Variants in HNRNPUL1 observed in about 807,000 individuals in gnomAD.
HNRNPUL1 encodes heterogeneous nuclear ribonucleoprotein U like 1.
Under a neutral mutation model 108.5 loss-of-function variants are expected in HNRNPUL1, and 14 were observed. The ratio of observed to expected loss-of-function variants is 0.13; its 90% CI spans 0.09 to 0.20. HNRNPUL1 has a LOEUF of 0.20. Among genes scored for constraint, HNRNPUL1 ranks in the 10% least tolerant of loss-of-function variants. The probability of loss-of-function intolerance (pLI) is 1.00; values close to 1 mark genes in which losing one functional copy is unlikely to be tolerated. For synonymous variants in HNRNPUL1, 422 were observed against 445.2 expected (o/e 0.95, Z 0.66); for missense variants, 804 against 1,168.3 (o/e 0.69, Z 4.55).
chr19:41,299,922 A>C (rs973647749), intron 10 of HNRNPUL1, among the ~76,000 whole-genome samples: 1 of 152,120 alleles, frequency 6.6e-6, no homozygotes, highest in Non-Finnish European at 1.5e-5. Context: ...AGTGTTGGCT[A>C]TGAGCCAGGG....
chr19:41,301,839 C>A, intron 11 of HNRNPUL1, 135 bp downstream of exon 11: 1 of 818,712 alleles, frequency 1.2e-6, no homozygotes, highest in Non-Finnish European at 1.8e-6. Flanking sequence ...TCTGCTTTGT[C>A]CCTTCCTTGT....
chr19:41,302,002 C>T (rs1482670965), intron 11 of HNRNPUL1, among the ~76,000 whole-genome samples: 4 of 152,140 alleles, frequency 2.6e-5, no homozygotes, highest in African/African-American at 7.2e-5. Context: ...GATGGGCTGA[C>T]TGTGGGCAGG....
At chr19:41,304,616 C>T (rs2037436737) in intron 13 of HNRNPUL1, among the ~76,000 whole-genome samples, 1 of 152,224 alleles carries the variant, frequency 6.6e-6, no homozygotes. Context: ...ACTGGAGTCA[C>T]CCCTTGCCCA....
intron 7 of HNRNPUL1, among the ~76,000 whole-genome samples, chr19:41,288,888 C>G (rs1314104363): frequency 1.3e-5 from 2 of 152,108 alleles, no homozygotes; most frequent in East Asian, 3.9e-4. Context: ...TTAGCCACTC[C>G]TACTTCCCCA....
At chr19:41,302,282 G>A (rs186754599) in intron 11 of HNRNPUL1, 13 of 312,214 alleles carry the variant, frequency 4.2e-5, no homozygotes, top group East Asian at 7.8e-5. Flanking sequence ...ATAGTGGTGC[G>A]ATCTTGGCTC....
intron 2 of HNRNPUL1, among the ~76,000 whole-genome samples, chr19:41,269,689 G>T (rs2035094999): frequency 6.6e-6 from 1 of 151,856 alleles, no homozygotes; most frequent in Admixed American, 6.6e-5. Context: ...TGTAGTCCCA[G>T]CTACTCAGAA....
Position 41,279,194 on chromosome 19 carries a change from A to G in HNRNPUL1, c.886+18A>G, listed in dbSNP as rs1007571682. ...CCAGCTAGGTAAGGAGGGGTCAGCTATGCAGTCCAGAGAATAGAGTGACTG... is the reference window on the plus strand; with the variant it reads ...CCAGCTAGGTAAGGAGGGGTCAGCTGTGCAGTCCAGAGAATAGAGTGACTG... On this transcript the variant is annotated intron_variant, in intron 6 of 14. Transcript: ENST00000392006. The G allele has an allele frequency of 1.9e-6, 3 of 1,549,042 alleles. No individual in the cohort carries two copies. The highest frequency in any genetic ancestry group is 1.4e-5 in the African/African-American group (1 of 73,654).
Position 41,276,211 on chromosome 19 carries a change from G to T in HNRNPUL1, c.699G>T (p.Pro233=), listed in dbSNP as rs753693640. 5.6e-6 allele frequency: 9 copies of T among 1,613,818 alleles called. No homozygotes were observed. Among genetic ancestry groups the T allele is most frequent in the Non-Finnish European group, 7.6e-6 (9 of 1,179,978 alleles). The stretch of plus-strand genomic sequence containing the variant: ...CCCGAGATCGGAGTAGTGGCTATCC[G>T]CTCACAATTGAGGGCTTTGCATACC... ...KVARDRSSGY[P]LTIEGFAYLW... The change falls in exon 5 of 15, where the codon CCG becomes CCT. Residue 233 remains proline, a synonymous_variant. Transcript: ENST00000392006.
At chr19:41,297,072 C>T (rs538548013) in intron 10 of HNRNPUL1, among the ~76,000 whole-genome samples, 4 of 152,210 alleles carry the variant, frequency 2.6e-5, no homozygotes, top group Admixed American at 2.0e-4. Flanking sequence ...GGGCTTTGAC[C>T]TACATTCTGT....
rs1265802300 is a variant in HNRNPUL1, at chr19:41,276,142, G to A, written c.647-17G>A. 2 of 1,613,692 alleles carry A rather than the reference G, an allele frequency of 1.2e-6. No homozygotes were observed. The highest frequency in any genetic ancestry group is 3.3e-5 in the Admixed American group (2 of 59,978). ...AAAATAAAAACATCAGCCAACTGTG[G>A]GCATTTTCCTTCACAGATAACTGCG... On this transcript the variant is annotated splice_polypyrimidine_tract_variant and intron_variant, in intron 4 of 14. Transcript: ENST00000392006.
chr19:41,291,033 T>C (rs762703036), intron 7 of HNRNPUL1, among the ~76,000 whole-genome samples: 22 of 151,964 alleles, frequency 1.4e-4, no homozygotes, highest in Non-Finnish European at 2.9e-4. Flanking sequence ...GCAACAAGAG[T>C]GAAATTCCGT....
chr19:41,279,243 C>G, intron 6 of HNRNPUL1, 67 bp downstream of exon 6: 1 of 1,097,894 alleles, frequency 9.1e-7, no homozygotes, highest in Non-Finnish European at 1.4e-6. Flanking sequence ...ATTTTCAAGG[C>G]TCCTAAGCTT....
chr19:41,272,009 GA>G, intron 2 of HNRNPUL1, 72 bp from the exon 3 acceptor site: 5 of 1,543,490 alleles, frequency 3.2e-6, no homozygotes, highest in South Asian at 1.2e-5. Flanking sequence ...TCTCTCAAGG[GA>G]AAAGGGACCA....
At position 41,307,575 on chromosome 19, in the gene HNRNPUL1, A is replaced by G. The variant is rs1280039333; in HGVS notation, c.*1010A>G. The G allele has an allele frequency of 2.0e-5, 3 of 152,592 alleles. No individual in the cohort carries two copies. Among genetic ancestry groups the G allele is most frequent in the African/African-American group, 4.8e-5 (2 of 41,426 alleles). The allele number at this position is 152,592 out of a possible 1,614,324, so 9.5% of individuals were successfully genotyped here. On this transcript the variant is annotated 3_prime_UTR_variant, in exon 15 of 15. Coordinates refer to ENST00000392006, the MANE Select transcript of HNRNPUL1 (RefSeq NM_007040.6). The stretch of plus-strand genomic sequence containing the variant: ...TTCCCCTTGACTCATATGTTTTAAC[A>G]TGATTTTAACAAACTGCACTTATTA...
chr19:41,305,990 G>A lies in HNRNPUL1; in HGVS notation c.2454+123G>A, dbSNP rs143964198. The A allele has an allele frequency of 3.1e-3, 2,069 of 676,360 alleles. 5 individuals are homozygous for A. Among genetic ancestry groups the A allele is most frequent in the Non-Finnish European group, 4.2e-3 (1,655 of 394,214 alleles). The allele number at this position is 676,360 out of a possible 1,614,324, so 41.9% of individuals were successfully genotyped here. A position where few individuals can be genotyped will look rare whatever the true frequency, so the allele number is the denominator to read the frequency against. On this transcript the variant is annotated intron_variant, in intron 14 of 14. Coordinates refer to ENST00000392006, the MANE Select transcript of HNRNPUL1 (RefSeq NM_007040.6). The stretch of plus-strand genomic sequence containing the variant: ...GACAGCCTGCTGGCCTCGGCCTGGC[G>A]TTCATCTGGTGCAGCCATTCCATTT...
intron 3 of HNRNPUL1, 80 bp downstream of exon 3, chr19:41,272,315 A>G (rs928166666): frequency 3.1e-5 from 44 of 1,411,860 alleles, no homozygotes; most frequent in Non-Finnish European, 3.8e-5. Flanking sequence ...GGACATTTGC[A>G]CTAACCTAGA....
At chr19:41,268,607 C>G (rs1221483138) in intron 2 of HNRNPUL1, among the ~76,000 whole-genome samples, 1 of 152,050 alleles carries the variant, frequency 6.6e-6, no homozygotes, top group Admixed American at 6.6e-5. Context: ...TCCTGTAATC[C>G]CAGCACTTTG....
chr19:41,306,329 G>C, intron 14 of HNRNPUL1, 120 bp from the exon 15 acceptor site: 1 of 639,354 alleles, frequency 1.6e-6, no homozygotes, highest in Non-Finnish European at 2.7e-6. Flanking sequence ...TCTGTCAGGG[G>C]ACCTGTGTTC....
chr19:41,264,947 A>T, intron 1 of HNRNPUL1, 149 bp downstream of exon 1: 1 of 1,273,418 alleles, frequency 7.9e-7, no homozygotes, highest in Non-Finnish European at 9.9e-7. Context: ...TCTGGGGACC[A>T]GGGCCCCAGC....
Sources: allele counts gnomAD v4.1 joint callset (sites outside exome capture counted in the v4.1 genomes callset), GRCh38; gene constraint gnomAD v4.1.1; transcripts MANE v1.5; gene names NCBI Gene and HGNC (gene_info 2026-07-23, HGNC 2026-07-21).